Variants in MB21D2 observed in about 807,000 individuals in gnomAD.
MB21D2 encodes nucleotidyltransferase MB21D2.
In MB21D2, 9 loss-of-function variants were observed where a neutral mutation model predicts 33.3. The ratio of observed to expected loss-of-function variants is 0.27; its 90% CI spans 0.16 to 0.47. The LOEUF (loss-of-function observed/expected upper bound fraction) is 0.47, where lower values mean the gene tolerates loss of function less well. MB21D2 is among the 20% of genes least tolerant of loss of function. The pLI is 0.99. For synonymous variants in MB21D2, 241 were observed against 236.3 expected (o/e 1.02, Z -0.18); for missense variants, 540 against 624.6 (o/e 0.86, Z 1.44).
rs370880709 is a variant in MB21D2, at chr3:192,847,115, T to C, written c.212-47465A>G. Among the ~76,000 whole-genome samples the C allele has an allele frequency of 2.6e-4, 39 of 152,118 alleles. 1 individual carries two copies. Among genetic ancestry groups the C allele is most frequent in the African/African-American group, 8.5e-4 (35 of 41,420 alleles). ...CATGGTCTCCAGGTCAAGGGAGCTG[T>C]AAGGAATCTAAGCCTTCATTAATCC... On this transcript the variant is annotated intron_variant, in intron 1 of 1. Transcript: ENST00000392452.
rs1560261410 is a variant in MB21D2, at chr3:192,917,676, T to A, written c.165A>T (p.Arg55Ser). The change falls in exon 1 of 2, where the codon AGA (arginine) becomes AGT (serine). Residue 55 changes from arginine (R) to serine (S), a missense_variant. Transcript: ENST00000392452. Reference sequence around the variant, plus strand: ...CCTTGGCTGTGTGAATCTCCAGCGCTCTCTGGTCGTCGTATTCCCGCTGGT... The same window carrying A: ...CCTTGGCTGTGTGAATCTCCAGCGCACTCTGGTCGTCGTATTCCCGCTGGT... ...KHDQREYDDQ[R>S]ALEIHTAKDF... 1.2e-6 allele frequency: 2 copies of A among 1,614,152 alleles called. No individual in the cohort carries two copies. Among genetic ancestry groups the A allele is most frequent in the Non-Finnish European group, 1.7e-6 (2 of 1,180,024 alleles).
At chr3:192,897,517 C>T (rs1372923031) in intron 1 of MB21D2, among the ~76,000 whole-genome samples, 4 of 152,080 alleles carry the variant, frequency 2.6e-5, no homozygotes, top group South Asian at 2.1e-4. Flanking sequence ...CTATTCAGTC[C>T]GGGTGATTAT....
intron 1 of MB21D2, among the ~76,000 whole-genome samples, chr3:192,860,762 A>C (rs1713024743): frequency 6.6e-6 from 1 of 152,226 alleles, no homozygotes; most frequent in Non-Finnish European, 1.5e-5. Flanking sequence ...TCAGAGGGCA[A>C]CAATGTCTCC....
intron 1 of MB21D2, among the ~76,000 whole-genome samples, chr3:192,834,050 G>A (rs551121159): frequency 6.6e-6 from 1 of 152,224 alleles, no homozygotes; most frequent in South Asian, 2.1e-4. Context: ...TGAATTGCAG[G>A]ACCAATCACA....
rs1712230570 is a variant in MB21D2 at position 192,828,591 on chromosome 3, CATATATATATATA to C, written c.212-28954_212-28942del. ...TATATACAATAAAACTCACCCCCCC[CATATATATATATA>C]TATATATATATATATATATATATAT... is the stretch of plus-strand genomic sequence containing the variant. On this transcript the variant is annotated intron_variant, in intron 1 of 1. Transcript: ENST00000392452. Among the ~76,000 whole-genome samples, 25 of 54,142 alleles carry C rather than the reference CATATATATATATA, an allele frequency of 4.6e-4. 1 individual carries two copies. The highest frequency in any genetic ancestry group is 1.5e-3 in the East Asian group (2 of 1,340). The allele number at this position is 54,142 out of a possible 152,430, so 35.5% of individuals were successfully genotyped here. A position where few individuals can be genotyped will look rare whatever the true frequency, so the allele number is the denominator to read the frequency against.
chr3:192,812,170 C>T (rs1711802003), intron 1 of MB21D2, among the ~76,000 whole-genome samples: 1 of 152,074 alleles, frequency 6.6e-6, no homozygotes, highest in South Asian at 2.1e-4. Context: ...GCCTCAGCCT[C>T]CCGAGTAGCT....
chr3:192,860,915 A>G (rs1240105016), intron 1 of MB21D2, among the ~76,000 whole-genome samples: 2 of 152,228 alleles, frequency 1.3e-5, no homozygotes, highest in Non-Finnish European at 2.9e-5. Flanking sequence ...GAGAAAATAA[A>G]TAACATAAGC....
At chr3:192,800,540 ACCCAGT>A (rs1310835942) in intron 1 of MB21D2, among the ~76,000 whole-genome samples, 2 of 152,150 alleles carry the variant, frequency 1.3e-5, no homozygotes, top group Admixed American at 1.3e-4. Flanking sequence ...TTTTTAAAAA[ACCCAGT>A]TTTACTTAAG....
chr3:192,873,186 T>C (rs56001245), intron 1 of MB21D2, among the ~76,000 whole-genome samples: 9 of 151,974 alleles, frequency 5.9e-5, no homozygotes, highest in Middle Eastern at 3.4e-3. Flanking sequence ...AGGGCTACAA[T>C]AGAATGGTTG....
Position 192,910,029 on chromosome 3 carries a change from G to A in MB21D2, c.211+7601C>T, listed in dbSNP as rs141192430. On this transcript the variant is annotated intron_variant, in intron 1 of 1. Transcript: ENST00000392452. ...CAAAGAAAGAAAGTGAGAAATTGGGGTGTATGTTACATGACAATGTAGAAC... is the reference window on the plus strand; with the variant it reads ...CAAAGAAAGAAAGTGAGAAATTGGGATGTATGTTACATGACAATGTAGAAC... Among the ~76,000 whole-genome samples, 283 of 151,426 alleles carry A rather than the reference G, an allele frequency of 1.9e-3. 2 individuals are homozygous for A. The highest frequency in any genetic ancestry group is 6.6e-3 in the African/African-American group (271 of 41,370).
chr3:192,818,432 C>G (rs1482230442), intron 1 of MB21D2, among the ~76,000 whole-genome samples: 1 of 142,320 alleles, frequency 7.0e-6, no homozygotes, highest in Non-Finnish European at 1.5e-5. Flanking sequence ...CAATCAAGAA[C>G]TAGCAGCTAA....
At chr3:192,894,716 T>C (rs1253864074) in intron 1 of MB21D2, among the ~76,000 whole-genome samples, 1 of 152,116 alleles carries the variant, frequency 6.6e-6, no homozygotes, top group Non-Finnish European at 1.5e-5. Flanking sequence ...TCCCTCCACC[T>C]TCCACCATTC....
intron 1 of MB21D2, among the ~76,000 whole-genome samples, chr3:192,830,232 G>A (rs1426310126): frequency 1.0e-5 from 1 of 100,174 alleles, no homozygotes; most frequent in African/African-American, 5.5e-5. Flanking sequence ...TCAAAGATGA[G>A]TGTGTGTGAG....
chr3:192,853,606 C>T lies in MB21D2; in HGVS notation c.212-53956G>A, dbSNP rs182648444. On this transcript the variant is annotated intron_variant, in intron 1 of 1. Coordinates refer to ENST00000392452, the MANE Select transcript of MB21D2 (RefSeq NM_178496.4). ...AGCTGAAAATATTTATTTTGCACTA[C>T]GCTAAATGTTCCACATACATTTCTG... 4.6e-5 allele frequency among the ~76,000 whole-genome samples: 7 copies of T among 152,040 alleles called. No homozygotes were observed. In the East Asian group the frequency reaches 9.7e-4, roughly 21 times the overall value.
intron 1 of MB21D2, among the ~76,000 whole-genome samples, chr3:192,840,477 G>A (rs1712547025): frequency 8.0e-6 from 1 of 124,710 alleles, no homozygotes; most frequent in Non-Finnish European, 1.6e-5. Flanking sequence ...CTAAGTCGTG[G>A]TATCCAGAGA....
At position 192,798,528 on chromosome 3, in the gene MB21D2, C is replaced by T. The variant is rs75977570; in HGVS notation, c.1334G>A (p.Gly445Glu). The change falls in exon 2 of 2, where the codon GGG becomes GAG. Residue 445 changes from glycine (G) to glutamate (E), a missense_variant. Physicochemically the swap from Gly to Glu is moderately conservative, Grantham distance 98 (BLOSUM62 -2). Transcript: ENST00000392452. The surrounding 1 kb of genome is among the most constrained non-coding windows in gnomAD (Gnocchi z 4.8). ...ACGGTCATCAGGCTGGTTGGGGTCC[C>T]CTCCGTCAGACTGTGGAGAGGGGAT... The part of the protein sequence containing the change: ...TSIPSPQSDG[G>E]DPNQPDDRLA... 2,069 of 1,614,152 alleles carry T rather than the reference C, an allele frequency of 1.3e-3. 30 individuals carry two copies. In the African/African-American group the frequency reaches 0.025, roughly 19 times the overall value.
chr3:192,907,743 G>T lies in MB21D2; in HGVS notation c.211+9887C>A, dbSNP rs903682184. ...AATAACAGTAGTTTCTAATAATAAA[G>T]AATTCCTACGACTTGCGTTCCAGAT... is the stretch of plus-strand genomic sequence containing the variant. On this transcript the variant is annotated intron_variant, in intron 1 of 1. Coordinates refer to ENST00000392452, the MANE Select transcript of MB21D2 (RefSeq NM_178496.4). 3.0e-4 allele frequency among the ~76,000 whole-genome samples: 46 copies of T among 152,260 alleles called. 1 individual carries two copies. Among genetic ancestry groups the T allele is most frequent in the Admixed American group, 1.3e-4 (2 of 15,284 alleles).
intron 1 of MB21D2, among the ~76,000 whole-genome samples, chr3:192,901,506 C>G (rs923409368): frequency 8.6e-5 from 13 of 151,764 alleles, no homozygotes; most frequent in African/African-American, 2.4e-4. Flanking sequence ...AATTCCATTC[C>G]TCTGCATCAT....
intron 1 of MB21D2, among the ~76,000 whole-genome samples, chr3:192,822,155 A>C (rs1413360218): frequency 6.6e-6 from 1 of 151,802 alleles, no homozygotes; most frequent in Non-Finnish European, 1.5e-5. Flanking sequence ...AATGTGCCAC[A>C]AACAAGCATA....
Sources: gnomAD v4.1 joint callset for allele counts (sites outside exome capture counted in the v4.1 genomes callset) on GRCh38, gnomAD v4.1.1 for gene constraint, Gnocchi (gnomAD v3.1) non-coding constraint, MANE v1.5 for transcripts, NCBI Gene and HGNC (gene_info 2026-07-23, HGNC 2026-07-21) for gene names.